Variants in ENPP6 observed in about 807,000 individuals in gnomAD.
ENPP6 encodes the protein ectonucleotide pyrophosphatase/phosphodiesterase 6.
Under a neutral mutation model 42.0 loss-of-function variants are expected in ENPP6, and 32 were observed. The ratio of observed to expected loss-of-function variants is 0.76; its 90% CI spans 0.58 to 1.02. The LOEUF (loss-of-function observed/expected upper bound fraction) is 1.02. ENPP6 is among the 50% of genes least tolerant of loss of function. The pLI is 0.00. For missense variants in ENPP6, 552 were observed against 566.8 expected (o/e 0.97, Z 0.27); for synonymous variants, 213 against 216.0 (o/e 0.99, Z 0.12).
intron 1 of ENPP6, among the ~76,000 whole-genome samples, chr4:184,192,203 T>G (rs1732720781): frequency 6.6e-6 from 1 of 152,232 alleles, no homozygotes; most frequent in Non-Finnish European, 1.5e-5. Flanking sequence ...TTAAAGGATT[T>G]ATGTATACTG....
chr4:184,195,045 T>C lies in ENPP6; in HGVS notation c.241+22534A>G, dbSNP rs188400341. On this transcript the variant is annotated intron_variant, in intron 1 of 7. Transcript: ENST00000296741. ...AGATTTTTTTTATCATGGTAAAATATACGTAACACAAAAATGTACCATTTG... is the reference window on the plus strand; with the variant it reads ...AGATTTTTTTTATCATGGTAAAATACACGTAACACAAAAATGTACCATTTG... 1.7e-3 allele frequency among the ~76,000 whole-genome samples: 261 copies of C among 152,258 alleles called. 1 individual carries two copies. Among genetic ancestry groups the C allele is most frequent in the African/African-American group, 6.1e-3 (252 of 41,530 alleles).
intron 3 of ENPP6, among the ~76,000 whole-genome samples, chr4:184,119,757 T>C (rs1485935770): frequency 6.6e-6 from 1 of 152,058 alleles, no homozygotes; most frequent in Non-Finnish European, 1.5e-5. Flanking sequence ...ATATTGCTAT[T>C]CTCATGATCG....
chr4:184,109,023 C>T (rs1476005097), intron 6 of ENPP6, among the ~76,000 whole-genome samples: 2 of 152,186 alleles, frequency 1.3e-5, no homozygotes, highest in African/African-American at 4.8e-5. Flanking sequence ...CCATCCTGGC[C>T]AACATGGTGA....
chr4:184,117,797 C>G lies in ENPP6; in HGVS notation c.637G>C (p.Val213Leu). ...SPQRKDALKA[V>L]DTVLKYMTKW... Reference sequence around the variant, plus strand: ...GTCATGTACTTCAGGACAGTGTCTACAGCCTTGAGGGCATCTTTCCTCTGC... The same window carrying G: ...GTCATGTACTTCAGGACAGTGTCTAGAGCCTTGAGGGCATCTTTCCTCTGC... The change falls in exon 4 of 8, where the codon GTA becomes CTA. Residue 213 changes from valine to leucine, a missense_variant. Val to Leu is a conservative substitution (Grantham distance 32). Coordinates refer to ENST00000296741, the MANE Select transcript of ENPP6 (RefSeq NM_153343.4). 1 of 1,614,238 alleles carries G rather than the reference C, an allele frequency of 6.2e-7. No homozygotes were observed. Among genetic ancestry groups the G allele is most frequent in the Middle Eastern group, 1.6e-4 (1 of 6,062 alleles).
rs1346143084 is a variant in ENPP6, at chr4:184,209,429, C to T, written c.241+8150G>A. The stretch of plus-strand genomic sequence containing the variant: ...GCTGAAAACCAAGGCTCGAGAACTA[C>T]GTGAAGAATGCAGAAGCCTCAGGAG... On this transcript the variant is annotated intron_variant, in intron 1 of 7. Transcript: ENST00000296741. Among the ~76,000 whole-genome samples the T allele has an allele frequency of 2.1e-3, 324 of 151,472 alleles. 9 individuals carry two copies. The highest frequency in any genetic ancestry group is 7.4e-3 in the African/African-American group (304 of 40,988).
chr4:184,107,317 C>T (rs1736113163), intron 6 of ENPP6, among the ~76,000 whole-genome samples: 1 of 152,226 alleles, frequency 6.6e-6, no homozygotes, highest in South Asian at 2.1e-4. Flanking sequence ...CCTGTGGAGG[C>T]AGCCTGTGCT....
intron 7 of ENPP6, 101 bp from the exon 8 acceptor site, chr4:184,091,483 T>A: frequency 8.9e-7 from 1 of 1,117,846 alleles, no homozygotes; most frequent in Middle Eastern, 2.1e-4. Flanking sequence ...CAGGTGACAT[T>A]GAGATTAGGG....
intron 1 of ENPP6, among the ~76,000 whole-genome samples, chr4:184,205,761 G>T (rs1215496509): frequency 1.3e-5 from 2 of 152,208 alleles, no homozygotes; most frequent in Non-Finnish European, 2.9e-5. Context: ...CCAGGGGTCA[G>T]CAATGGAGGT....
rs374423917 is a variant in ENPP6 at position 184,136,800 on chromosome 4, T to C, written c.422-12528A>G. Among the ~76,000 whole-genome samples, 373 of 152,358 alleles carry C rather than the reference T, an allele frequency of 2.4e-3. 2 individuals carry two copies. The highest frequency in any genetic ancestry group is 8.3e-3 in the African/African-American group (347 of 41,578). On this transcript the variant is annotated intron_variant, in intron 2 of 7. Coordinates refer to ENST00000296741, the MANE Select transcript of ENPP6 (RefSeq NM_153343.4). The stretch of plus-strand genomic sequence containing the variant: ...TGGTTTTCACCAGTTCTGAAATCCA[T>C]GATGCTCTTTCCTGTTTCACAGCAC...
At chr4:184,116,797 A>G in intron 5 of ENPP6, 59 bp downstream of exon 5, 3 of 1,593,584 alleles carry the variant, frequency 1.9e-6, no homozygotes, top group Non-Finnish European at 1.7e-6. Flanking sequence ...AAGACAGTGC[A>G]GATGGCAACA....
chr4:184,173,526 A>G (rs1388957700), intron 1 of ENPP6, among the ~76,000 whole-genome samples: 2 of 152,210 alleles, frequency 1.3e-5, no homozygotes, highest in Non-Finnish European at 2.9e-5. Flanking sequence ...TTTTTTGCCT[A>G]CTTGTAGCTG....
chr4:184,167,256 C>T (rs1237761040), intron 1 of ENPP6, among the ~76,000 whole-genome samples: 3 of 152,174 alleles, frequency 2.0e-5, no homozygotes, highest in African/African-American at 7.2e-5. Flanking sequence ...GTTGAGATTA[C>T]AGGCATCCAC....
At chr4:184,124,312 T>G (rs1269121664) in intron 2 of ENPP6, 40 bp from the exon 3 acceptor site, 4 of 1,478,968 alleles carry the variant, frequency 2.7e-6, no homozygotes, top group Non-Finnish European at 3.8e-6. Context: ...CTCTCTTCAA[T>G]AAGTAATGTC....
intron 1 of ENPP6, among the ~76,000 whole-genome samples, chr4:184,162,504 A>G (rs547390455): frequency 6.7e-6 from 1 of 149,246 alleles, no homozygotes; most frequent in South Asian, 2.2e-4. Flanking sequence ...TCTACTTTTG[A>G]AAGAAGGAAA....
intron 2 of ENPP6, among the ~76,000 whole-genome samples, chr4:184,131,193 CTTTCTTT>C (rs1560987245): frequency 6.0e-4 from 33 of 55,460 alleles, no homozygotes; most frequent in Admixed American, 1.5e-3. Flanking sequence ...TTCTTTCTTT[CTTTCTTT>C]CTTCTTTCTT....
intron 1 of ENPP6, among the ~76,000 whole-genome samples, chr4:184,201,711 A>G (rs1732907712): frequency 6.6e-6 from 1 of 150,746 alleles, no homozygotes; most frequent in Non-Finnish European, 1.5e-5. Context: ...GCTGGGAGAC[A>G]TTATTTTAGT....
chr4:184,140,220 C>T, intron 2 of ENPP6, among the ~76,000 whole-genome samples: 1 of 151,818 alleles, frequency 6.6e-6, no homozygotes, highest in East Asian at 1.9e-4. Context: ...CTACAAACCA[C>T]TGCTCAAGGA....
chr4:184,151,510 T>C (rs1316931131), intron 2 of ENPP6, among the ~76,000 whole-genome samples: 1 of 152,052 alleles, frequency 6.6e-6, no homozygotes, highest in Non-Finnish European at 1.5e-5. Context: ...GGCTCAAGGG[T>C]TGTTGGCAGG....
Position 184,217,832 on chromosome 4 carries a change from C to A in ENPP6, c.-13G>T, listed in dbSNP as rs751819141. The A allele has an allele frequency of 6.2e-6, 10 of 1,611,744 alleles. No individual in the cohort carries two copies. The highest frequency in any genetic ancestry group is 7.6e-6 in the Non-Finnish European group (9 of 1,179,238). On this transcript the variant is annotated 5_prime_UTR_variant, in exon 1 of 8. It adds an upstream start codon to the 5' untranslated region. Transcript: ENST00000296741. Reference sequence around the variant, plus strand: ...GCTTCACTGCCATGCTGCCAGGAGCCTGCCAGAGCCCGGCTGGCACAGCTG... The same window carrying A: ...GCTTCACTGCCATGCTGCCAGGAGCATGCCAGAGCCCGGCTGGCACAGCTG...
Sources: allele counts gnomAD v4.1 joint callset (sites outside exome capture counted in the v4.1 genomes callset), GRCh38; gene constraint gnomAD v4.1.1; transcripts MANE v1.5; gene names NCBI Gene and HGNC (gene_info 2026-07-23, HGNC 2026-07-21).